The following COL10A1 variants were observed in gnomAD, a reference collection of about 807,000 sequenced individuals.
COL10A1 encodes the protein collagen alpha-1(X) chain.
A neutral mutation model predicts 18.2 loss-of-function variants in COL10A1; 10 were observed. The observed-to-expected ratio is 0.55, with a 90% CI of 0.34 to 0.93. COL10A1 has a LOEUF of 0.93. Ranked by LOEUF, COL10A1 falls within the 40% of genes least tolerant of loss-of-function variation. COL10A1 has a pLI of 0.02. For synonymous variants in COL10A1, 330 were observed against 316.6 expected, an observed-to-expected ratio of 1.04 and a Z score of -0.45; for missense variants, 897 against 853.5, an observed-to-expected ratio of 1.05 and a Z score of -0.64.
the COL10A1 span, among the ~76,000 whole-genome samples, chr6:116,216,336 A>AT: frequency 7.9e-5 from 12 of 151,894 alleles, no homozygotes; most frequent in African/African-American, 2.9e-4. Flanking sequence ...TATATTTTAT[A>AT]TTTTAGGTCA....
chr6:116,167,575 C>G, the COL10A1 span, among the ~76,000 whole-genome samples: 1 of 152,152 alleles, frequency 6.6e-6, no homozygotes, highest in African/African-American at 2.4e-5. Context: ...GTACTGATTT[C>G]ATTTGATAAA....
the COL10A1 span, among the ~76,000 whole-genome samples, chr6:116,168,021 T>G: frequency 3.9e-5 from 6 of 151,968 alleles, no homozygotes; most frequent in African/African-American, 1.4e-4. Context: ...TCTGTTTTGC[T>G]GAGATTACTA....
the COL10A1 span, among the ~76,000 whole-genome samples, chr6:116,183,294 A>G: frequency 2.0e-5 from 3 of 152,156 alleles, no homozygotes; most frequent in East Asian, 1.9e-4. Context: ...GTATAGTTCA[A>G]AGTTGGGTAA....
In COL10A1 at chr6:116,121,961, C is replaced by T; in HGVS notation, c.155G>A (p.Gly52Asp). The change falls in exon 3 of 3, where the codon GGT (glycine) becomes GAT (aspartate). Residue 52 changes from glycine (G) to aspartate (D), a missense_variant and splice_region_variant. Gly to Asp is a moderately conservative substitution (Grantham distance 94, BLOSUM62 -1). Transcript: ENST00000651968. ...FFIPYTIKSK[G>D]IAVRGEQGTP... Reference sequence around the variant, plus strand: ...ACCTTGCTCTCCTCTTACTGCTATACCTAAAAGACACACCCAACACACCCA... The same window carrying T: ...ACCTTGCTCTCCTCTTACTGCTATATCTAAAAGACACACCCAACACACCCA... The T allele has an allele frequency of 1.9e-6, 3 of 1,611,380 alleles. No homozygotes were observed. The highest frequency in any genetic ancestry group is 2.5e-6 in the Non-Finnish European group (3 of 1,179,912).
chr6:116,156,546 C>T (rs566985525), intron 1 of COL10A1, among the ~76,000 whole-genome samples: 2 of 152,082 alleles, frequency 1.3e-5, no homozygotes, highest in Non-Finnish European at 2.9e-5. Context: ...AAGAGGAGAC[C>T]GATTACATGT....
upstream of COL10A1, among the ~76,000 whole-genome samples, chr6:116,163,141 A>AAAAAATATATATATATATAT (rs761718922): frequency 2.3e-5 from 2 of 88,406 alleles, no homozygotes; most frequent in African/African-American, 1.2e-4. Context: ...AAAAAAAAAA[A>AAAAAATATATATATATATAT]ATATATATAT....
chr6:116,125,831 T>C, intron 1 of COL10A1: 1 of 214,304 alleles, frequency 4.7e-6, no homozygotes, highest in Non-Finnish European at 9.4e-6. Flanking sequence ...AGTTTCAAAA[T>C]ACACTGAAAT....
chr6:116,200,279 G>T, the COL10A1 span, among the ~76,000 whole-genome samples: 1 of 151,906 alleles, frequency 6.6e-6, no homozygotes, highest in African/African-American at 2.4e-5. Flanking sequence ...ACTATGTCAC[G>T]GTCAAGAGTA....
chr6:116,187,034 G>C, the COL10A1 span, among the ~76,000 whole-genome samples: 1 of 152,022 alleles, frequency 6.6e-6, no homozygotes, highest in Admixed American at 6.6e-5. Context: ...CTACCGTTCA[G>C]ATTCTTTTGT....
chr6:116,182,480 T>G, the COL10A1 span, among the ~76,000 whole-genome samples: 1 of 152,158 alleles, frequency 6.6e-6, no homozygotes, highest in Non-Finnish European at 1.5e-5. Flanking sequence ...CCATAGTGGT[T>G]GTACTAGTTT....
upstream of COL10A1, among the ~76,000 whole-genome samples, chr6:116,162,133 T>C (rs926932224): frequency 6.6e-6 from 1 of 152,196 alleles, no homozygotes; most frequent in Non-Finnish European, 1.5e-5. Context: ...TTTTGTATCC[T>C]GAGACTTTAG....
the COL10A1 span, among the ~76,000 whole-genome samples, chr6:116,182,222 A>AGAGAGTGTGTGTGTGTGTGTGTGT: frequency 2.4e-5 from 3 of 124,606 alleles, no homozygotes; most frequent in Non-Finnish European, 5.1e-5. Context: ...TTCCATGGAG[A>AGAGAGTGTGTGTGTGTGTGTGTGT]GTGTGTGTGT....
intron 1 of COL10A1, among the ~76,000 whole-genome samples, chr6:116,144,743 G>T (rs1346700787): frequency 1.3e-5 from 2 of 152,110 alleles, no homozygotes; most frequent in Non-Finnish European, 2.9e-5. Flanking sequence ...GGAGTGGGTG[G>T]GATAGCAGGA....
chr6:116,194,659 G>A, the COL10A1 span, among the ~76,000 whole-genome samples: 1 of 152,016 alleles, frequency 6.6e-6, no homozygotes, highest in Non-Finnish European at 1.5e-5. Flanking sequence ...TTAATGGGAA[G>A]TCAGTAGATG....
chr6:116,174,514 TTA>T, the COL10A1 span, among the ~76,000 whole-genome samples: 1 of 152,184 alleles, frequency 6.6e-6, no homozygotes, highest in East Asian at 1.9e-4. Context: ...AATATAAAAT[TTA>T]GAGTGCCAAT....
the COL10A1 span, among the ~76,000 whole-genome samples, chr6:116,177,457 G>A: frequency 1.3e-5 from 2 of 152,218 alleles, no homozygotes; most frequent in South Asian, 4.1e-4. Flanking sequence ...ATGGGTAAAA[G>A]TATATTCATG....
At chr6:116,150,009 A>G (rs1779997327) in intron 1 of COL10A1, among the ~76,000 whole-genome samples, 1 of 152,030 alleles carries the variant, frequency 6.6e-6, no homozygotes, top group Admixed American at 6.6e-5. Flanking sequence ...CTGCCCCCCA[A>G]AGTACTGTTG....
At position 116,132,187 on chromosome 6, in the gene COL10A1, G is replaced by T. The variant is rs911401297; in HGVS notation, c.-15-6680C>A. On this transcript the variant is annotated intron_variant, in intron 1 of 1. Coordinates refer to the COL10A1 transcript ENST00000418500. ...TGTCTTTGGGAGAGAGTCATAGAAT[G>T]GGGATTCATGGCCTTGTTTCCCCTC... Among the ~76,000 whole-genome samples, 8 of 152,194 alleles carry T rather than the reference G, an allele frequency of 5.3e-5. 1 individual carries two copies. The highest frequency in any genetic ancestry group is 3.9e-4 in the Admixed American group (6 of 15,268).
At chr6:116,188,040 T>G in the COL10A1 span, among the ~76,000 whole-genome samples, 2 of 152,014 alleles carry the variant, frequency 1.3e-5, no homozygotes, top group Non-Finnish European at 2.9e-5. Flanking sequence ...ACAAAAGTCT[T>G]GACAGGCAGT....
Sources: gnomAD v4.1 joint callset for allele counts (sites outside exome capture counted in the v4.1 genomes callset) on GRCh38, gnomAD v4.1.1 for gene constraint, MANE v1.5 for transcripts, NCBI Gene and HGNC (gene_info 2026-07-23, HGNC 2026-07-21) for gene names.